EYS: variants seen among roughly 807,000 people sequenced by gnomAD.
The protein encoded by EYS is protein eyes shut homolog.
EYS carries 250 observed loss-of-function variants against 282.1 expected under a neutral mutation model. The ratio of observed to expected loss-of-function variants is 0.89; its 90% CI spans 0.80 to 0.98. The LOEUF is 0.98. Ranked by LOEUF, EYS falls within the 50% of genes least tolerant of loss-of-function variation. The pLI, the probability that EYS is intolerant of heterozygous loss-of-function variation, is 0.00. For missense variants in EYS, 4,016 were observed against 3,709.0 expected (o/e 1.08, Z -2.15); for synonymous variants, 1,355 against 1,282.9 (o/e 1.06, Z -1.20).
chr6:64,945,629 A>T lies in EYS; in HGVS notation c.2381+164T>A, dbSNP rs771812408. Among the ~76,000 whole-genome samples the T allele has an allele frequency of 2.9e-4, 44 of 152,100 alleles. 1 individual carries two copies. The highest frequency in any genetic ancestry group is 1.6e-3 in the Admixed American group (25 of 15,250). ...TGACATCTGCCCTTCAGTGTTTTCA[A>T]ATTTCAAATGATTGCGACACCATCT... On this transcript the variant is annotated intron_variant, in intron 15 of 42. Transcript: ENST00000503581.
At chr6:64,949,173 A>C (rs1412658441) in intron 14 of EYS, among the ~76,000 whole-genome samples, 1 of 151,876 alleles carries the variant, frequency 6.6e-6, no homozygotes, top group African/African-American at 2.4e-5. Flanking sequence ...GATTACTACA[A>C]GTTTCGTGTC....
At chr6:65,041,374 G>A (rs146652369) in intron 13 of EYS, among the ~76,000 whole-genome samples, 1 of 151,664 alleles carries the variant, frequency 6.6e-6, no homozygotes, top group African/African-American at 2.4e-5. Flanking sequence ...ATGTCCTCAT[G>A]ATTTAAAAAT....
intron 5 of EYS, among the ~76,000 whole-genome samples, chr6:65,458,943 T>C (rs1231361512): frequency 6.6e-6 from 1 of 152,106 alleles, no homozygotes; most frequent in Non-Finnish European, 1.5e-5. Flanking sequence ...GAGAGACTTA[T>C]TGTCACAACT....
At chr6:64,849,851 C>T (rs1164367947) in intron 19 of EYS, among the ~76,000 whole-genome samples, 1 of 149,818 alleles carries the variant, frequency 6.7e-6, no homozygotes, top group South Asian at 2.1e-4. Flanking sequence ...ACCAGCTGGA[C>T]AAAATTTTCT....
rs1772717350 is a variant in EYS at position 65,034,857 on chromosome 6, T to C, written c.2137+22757A>G. On this transcript the variant is annotated intron_variant, in intron 13 of 42. Coordinates refer to ENST00000503581, the MANE Select transcript of EYS (RefSeq NM_001142800.2). ...GGAGAAAGGACCCCTTTCTAACTCATTCTATGAGGCCAGCATTATTCCTTT... is the reference window on the plus strand; with the variant it reads ...GGAGAAAGGACCCCTTTCTAACTCACTCTATGAGGCCAGCATTATTCCTTT... Among the ~76,000 whole-genome samples the C allele has an allele frequency of 2.0e-5, 3 of 152,092 alleles. 1 individual carries two copies. Among genetic ancestry groups the C allele is most frequent in the Non-Finnish European group, 4.4e-5 (3 of 68,008 alleles).
intron 5 of EYS, among the ~76,000 whole-genome samples, chr6:65,428,575 G>T (rs1013175343): frequency 2.0e-5 from 3 of 151,826 alleles, no homozygotes; most frequent in African/African-American, 7.2e-5. Flanking sequence ...AATCTATGCT[G>T]TTTTTTGATT....
At position 64,591,798 on chromosome 6, in the gene EYS, C is replaced by T. The variant is rs1384521248; in HGVS notation, c.4069G>A (p.Asp1357Asn). Residue 1357 changes from aspartate (D) to asparagine (N), a missense_variant, in exon 26 of 43, where the codon GAC (aspartate) becomes AAC (asparagine). Physicochemically the swap from Asp to Asn is conservative, Grantham distance 23 (BLOSUM62 1). Coordinates refer to ENST00000503581, the MANE Select transcript of EYS (RefSeq NM_001142800.2). ...TTGTCCTGGACAATTTGTGCTGGGT[C>T]ACGAATACCAAAATTCAGGAATCGA... ...SSRFLNFGIRDPAQIVQDKTS... is the reference protein window; with the variant it reads ...SSRFLNFGIRNPAQIVQDKTS... 6.4e-7 allele frequency: 1 copy of T among 1,551,188 alleles called. No homozygotes were observed. Among genetic ancestry groups the T allele is most frequent in the Non-Finnish European group, 8.7e-7 (1 of 1,146,690 alleles).
rs577546663 is a variant in EYS at position 64,611,157 on chromosome 6, G to GT, written c.3684+6260dup. Among the ~76,000 whole-genome samples the GT allele has an allele frequency of 7.2e-4, 109 of 151,994 alleles. 1 individual carries two copies. In the Middle Eastern group the frequency reaches 0.014, roughly 19 times the overall value. On this transcript the variant is annotated intron_variant, in intron 24 of 42. Coordinates refer to ENST00000503581, the MANE Select transcript of EYS (RefSeq NM_001142800.2). ...GGGGAGAGGAAAATACATTTTTTGT[G>GT]TTTTTTTTGTTGTTTGTGGTAAAAC...
At chr6:64,181,263 G>A (rs1294978584) in intron 31 of EYS, among the ~76,000 whole-genome samples, 2 of 152,052 alleles carry the variant, frequency 1.3e-5, no homozygotes, top group African/African-American at 4.8e-5. Context: ...AAAAGCAATG[G>A]TCTGCTTGTA....
At chr6:65,487,218 C>A (rs576574337) in intron 5 of EYS, among the ~76,000 whole-genome samples, 1 of 152,028 alleles carries the variant, frequency 6.6e-6, no homozygotes, top group African/African-American at 2.4e-5. Flanking sequence ...ATGTTGAATA[C>A]GAGTGGTGAG....
intron 29 of EYS, among the ~76,000 whole-genome samples, chr6:64,330,471 CAAG>C (rs1770598773): frequency 6.6e-6 from 1 of 152,168 alleles, no homozygotes; most frequent in Admixed American, 6.5e-5. Context: ...TCAAAGAAAT[CAAG>C]AAGGCCTTGA....
At chr6:65,285,101 T>C (rs1454694435) in intron 12 of EYS, among the ~76,000 whole-genome samples, 2 of 152,014 alleles carry the variant, frequency 1.3e-5, no homozygotes, top group Non-Finnish European at 2.9e-5. Flanking sequence ...TTCAAAGTGA[T>C]TGTTGATACG....
At chr6:63,736,018 A>G (rs902188038) in intron 41 of EYS, among the ~76,000 whole-genome samples, 3 of 152,188 alleles carry the variant, frequency 2.0e-5, no homozygotes, top group African/African-American at 7.2e-5. Flanking sequence ...AAACTTGATT[A>G]TTGAGCAGAT....
At chr6:64,802,635 C>A (rs1041927271) in intron 22 of EYS, among the ~76,000 whole-genome samples, 2 of 152,108 alleles carry the variant, frequency 1.3e-5, no homozygotes, top group African/African-American at 4.8e-5. Flanking sequence ...AGTGTTAGTG[C>A]AAAATTAAAA....
chr6:64,849,999 C>T (rs1765833452), intron 19 of EYS, among the ~76,000 whole-genome samples: 1 of 151,862 alleles, frequency 6.6e-6, no homozygotes, highest in South Asian at 2.1e-4. Flanking sequence ...GAGAAGATTA[C>T]AGGAAGGCAG....
chr6:65,636,121 T>G (rs1288369933), intron 2 of EYS, among the ~76,000 whole-genome samples: 1 of 152,244 alleles, frequency 6.6e-6, no homozygotes, highest in Non-Finnish European at 1.5e-5. Flanking sequence ...TACTCTTGTC[T>G]TATTTGGCCT....
chr6:63,814,298 A>G (rs1771123493), intron 36 of EYS, among the ~76,000 whole-genome samples: 1 of 152,246 alleles, frequency 6.6e-6, no homozygotes, highest in Admixed American at 6.5e-5. Context: ...TAGCCTGCAC[A>G]GAAAACATAC....
chr6:65,031,166 C>T (rs1288106805), intron 13 of EYS, among the ~76,000 whole-genome samples: 3 of 137,338 alleles, frequency 2.2e-5, no homozygotes, highest in Non-Finnish European at 4.6e-5. Flanking sequence ...TATACACACA[C>T]ACGCACATAC....
chr6:64,354,758 T>C (rs1187871427), intron 29 of EYS, among the ~76,000 whole-genome samples: 3 of 151,588 alleles, frequency 2.0e-5, no homozygotes, highest in Non-Finnish European at 4.4e-5. Flanking sequence ...AAAATGTGCA[T>C]ATGTATGAAT....
Sources: allele counts gnomAD v4.1 joint callset (sites outside exome capture counted in the v4.1 genomes callset), GRCh38; gene constraint gnomAD v4.1.1; transcripts MANE v1.5; gene names NCBI Gene and HGNC (gene_info 2026-07-23, HGNC 2026-07-21).